The following CYTH1 variants were observed in gnomAD, a reference collection of about 807,000 sequenced individuals.
CYTH1 encodes cytohesin 1, also known as cytohesin-1.
Under a neutral mutation model 61.8 loss-of-function variants are expected in CYTH1, and 18 were observed. The observed-to-expected ratio is 0.29, with a 90% CI of 0.20 to 0.43. The LOEUF is 0.43. Among genes scored for constraint, CYTH1 ranks in the 20% least tolerant of loss-of-function variants. CYTH1 has a pLI of 1.00. For missense variants in CYTH1, 336 were observed against 510.5 expected (o/e 0.66, Z 3.29); for synonymous variants, 174 against 184.3 (o/e 0.94, Z 0.45).
Position 78,674,073 on chromosome 17 carries a change from T to C in CYTH1, c.*2018A>G, listed in dbSNP as rs1309762525. 1 of 152,594 alleles carries C rather than the reference T, an allele frequency of 6.6e-6. No homozygotes were observed. Among genetic ancestry groups the C allele is most frequent in the Non-Finnish European group, 1.5e-5 (1 of 68,020 alleles). 9.5% of individuals were successfully genotyped at this position (152,594 alleles called of 1,614,324 possible). On this transcript the variant is annotated 3_prime_UTR_variant, in exon 14 of 14. Coordinates refer to ENST00000446868, the MANE Select transcript of CYTH1 (RefSeq NM_004762.6). ...TGGCTTGGGCAGAGTTGGAGTTTAT[T>C]TGCTGCAGTTCCTTGGCGCTAGTTT...
intron 1 of CYTH1, among the ~76,000 whole-genome samples, chr17:78,747,763 G>A (rs1300228178): frequency 6.6e-6 from 1 of 152,154 alleles, no homozygotes; most frequent in Non-Finnish European, 1.5e-5. Context: ...CCCTTGTAGG[G>A]ACAGACTTCA....
intron 11 of CYTH1, 59 bp downstream of exon 11, chr17:78,692,358 C>A: frequency 1.9e-6 from 3 of 1,541,596 alleles, no homozygotes; most frequent in Non-Finnish European, 2.7e-6. Flanking sequence ...TGATTAGAGA[C>A]ACTTGGAACC....
chr17:78,690,343 G>A (rs1292575199), intron 11 of CYTH1, among the ~76,000 whole-genome samples: 8 of 128,462 alleles, frequency 6.2e-5, no homozygotes, highest in African/African-American at 1.5e-4. Flanking sequence ...GCAGTGAGCC[G>A]AGATCGTGCC....
In CYTH1 at chr17:78,750,679, G is replaced by A. The variant is rs569221732; in HGVS notation, c.22+31523C>T. Among the ~76,000 whole-genome samples, 27 of 151,852 alleles carry A rather than the reference G, an allele frequency of 1.8e-4. No individual in the cohort carries two copies. In the South Asian group the frequency reaches 4.4e-3, roughly 25 times the overall value. On this transcript the variant is annotated intron_variant, in intron 1 of 13. Transcript: ENST00000446868. Reference sequence around the variant, plus strand: ...AAATTAGATGGGTGAGGTGGTGGGCGCCTGTAATCCCAGCTACAGCTACAG... The same window carrying A: ...AAATTAGATGGGTGAGGTGGTGGGCACCTGTAATCCCAGCTACAGCTACAG...
chr17:78,695,303 C>T (rs776072586), intron 10 of CYTH1, among the ~76,000 whole-genome samples: 8 of 152,126 alleles, frequency 5.3e-5, no homozygotes, highest in Non-Finnish European at 8.8e-5. Context: ...ACAACAGAGC[C>T]GAGGCTGTTA....
rs1465085988 is a variant in CYTH1 at position 78,675,523 on chromosome 17, G to A, written c.*568C>T. ...GGAGAGGCAGGCCAGGCCCTGCCGC[G>A]GGCCCAGGCTGATGCCCCTTGGCCG... On this transcript the variant is annotated 3_prime_UTR_variant, in exon 14 of 14. Transcript: ENST00000446868. The A allele has an allele frequency of 1.9e-5, 3 of 159,058 alleles. No individual in the cohort carries two copies. The highest frequency in any genetic ancestry group is 2.0e-4 in the South Asian group (1 of 4,954). 9.9% of individuals were successfully genotyped at this position (159,058 alleles called of 1,614,324 possible).
At chr17:78,679,562 C>G (rs1035312074) in intron 13 of CYTH1, among the ~76,000 whole-genome samples, 3 of 152,212 alleles carry the variant, frequency 2.0e-5, no homozygotes, top group African/African-American at 7.2e-5. Context: ...AGCCATGTTT[C>G]CAGATACTTG....
chr17:78,718,481 G>A (rs1326998097), intron 1 of CYTH1, among the ~76,000 whole-genome samples: 1 of 152,042 alleles, frequency 6.6e-6, no homozygotes, highest in Non-Finnish European at 1.5e-5. Context: ...ATGGCGTGAG[G>A]GCTAAGAAAC....
chr17:78,763,155 C>A (rs543897280), intron 1 of CYTH1, among the ~76,000 whole-genome samples: 147 of 152,116 alleles, frequency 9.7e-4, no homozygotes, highest in African/African-American at 3.4e-3. Flanking sequence ...ACCAGCCTGG[C>A]CAACGTGGTA....
Position 78,674,297 on chromosome 17 carries a change from C to G in CYTH1, c.*1794G>C, listed in dbSNP as rs572523612. On this transcript the variant is annotated 3_prime_UTR_variant, in exon 14 of 14. Transcript: ENST00000446868. ...AATAGACTAATACTGACCCAGGTGCCTCTCTGTCTAGGAAACACTTGAGAA... is the reference window on the plus strand; with the variant it reads ...AATAGACTAATACTGACCCAGGTGCGTCTCTGTCTAGGAAACACTTGAGAA... 3.9e-5 allele frequency: 6 copies of G among 152,700 alleles called. No homozygotes were observed. In the East Asian group the frequency reaches 1.2e-3, roughly 29 times the overall value. The allele number at this position is 152,700 out of a possible 1,614,324, so 9.5% of individuals were successfully genotyped here.
intron 1 of CYTH1, among the ~76,000 whole-genome samples, chr17:78,737,221 T>C (rs1172989525): frequency 6.6e-6 from 1 of 152,166 alleles, no homozygotes; most frequent in African/African-American, 2.4e-5. Flanking sequence ...CCTTAATTAT[T>C]TGCACATAAG....
chr17:78,746,171 T>C (rs941552382), intron 1 of CYTH1, among the ~76,000 whole-genome samples: 2 of 152,106 alleles, frequency 1.3e-5, no homozygotes, highest in African/African-American at 4.8e-5. Flanking sequence ...TGATGGGTGC[T>C]ATGGGGAAAA....
At chr17:78,680,104 G>A (rs1390050331) in intron 13 of CYTH1, 86 bp downstream of exon 13, 14 of 1,518,860 alleles carry the variant, frequency 9.2e-6, no homozygotes, top group South Asian at 2.5e-5. Context: ...AGATGCGGGC[G>A]GCATGTTTAA....
chr17:78,751,261 G>T (rs1415393041), intron 1 of CYTH1, among the ~76,000 whole-genome samples: 1 of 152,112 alleles, frequency 6.6e-6, no homozygotes, highest in Non-Finnish European at 1.5e-5. Flanking sequence ...TTACAGATGT[G>T]AGCCACCATG....
At position 78,752,469 on chromosome 17, in the gene CYTH1, G is replaced by A. The variant is rs28441178; in HGVS notation, c.22+29733C>T. Among the ~76,000 whole-genome samples the A allele has an allele frequency of 1.3e-3, 198 of 152,284 alleles. 1 individual carries two copies. The highest frequency in any genetic ancestry group is 4.4e-3 in the African/African-American group (183 of 41,562). On this transcript the variant is annotated intron_variant, in intron 1 of 13. Transcript: ENST00000446868. ...TTTTTTTGAGACAGAGTCTTGCTCC[G>A]TCACCCAGGCTGGAGTGTAGTGGTG... is the stretch of plus-strand genomic sequence containing the variant.
rs907538553 is a variant in CYTH1, at chr17:78,717,354, C to T, written c.23-7622G>A. On this transcript the variant is annotated intron_variant, in intron 1 of 13. Transcript: ENST00000446868. The surrounding 1 kb of genome is among the most constrained non-coding windows in gnomAD (Gnocchi z 4.4). The stretch of plus-strand genomic sequence containing the variant: ...GGTGTCCGGCTGGCAGTCAGGGGGA[C>T]GGTCCAGCATCAGCCCCATCACCAT... 6.6e-6 allele frequency among the ~76,000 whole-genome samples: 1 copy of T among 152,140 alleles called. No individual in the cohort carries two copies. The highest frequency in any genetic ancestry group is 1.9e-4 in the East Asian group (1 of 5,194).
chr17:78,694,309 C>T (rs2092917478), intron 10 of CYTH1, among the ~76,000 whole-genome samples: 1 of 152,190 alleles, frequency 6.6e-6, no homozygotes, highest in African/African-American at 2.4e-5. Flanking sequence ...ACGTGCCCTC[C>T]ACCTGCCCAT....
intron 1 of CYTH1, among the ~76,000 whole-genome samples, chr17:78,726,615 G>A (rs2093268297): frequency 6.6e-6 from 1 of 152,138 alleles, no homozygotes; most frequent in Non-Finnish European, 1.5e-5. Flanking sequence ...GCGAGAGCCT[G>A]GGAGAGGGCA....
In CYTH1 at chr17:78,715,974, A is replaced by G. The variant is rs775112894; in HGVS notation, c.23-6242T>C. Among the ~76,000 whole-genome samples the G allele has an allele frequency of 3.3e-5, 5 of 152,310 alleles. No homozygotes were observed. In the South Asian group the frequency reaches 8.3e-4, roughly 25 times the overall value. On this transcript the variant is annotated intron_variant, in intron 1 of 13. Transcript: ENST00000446868. ...CAAATGGTCCCCACAGCTTCCTCCT[A>G]CAACACTAGAGACCAGAGGCATGGA...
Sources: gnomAD v4.1 joint callset for allele counts (sites outside exome capture counted in the v4.1 genomes callset) on GRCh38, gnomAD v4.1.1 for gene constraint, Gnocchi (gnomAD v3.1) non-coding constraint, MANE v1.5 for transcripts, NCBI Gene and HGNC (gene_info 2026-07-23, HGNC 2026-07-21) for gene names.